MAGI1: variants seen among roughly 807,000 people sequenced by gnomAD.
MAGI1 encodes membrane associated guanylate kinase, WW and PDZ domain containing 1, also known as membrane-associated guanylate kinase, WW and PDZ domain-containing protein 1.
MAGI1 carries 58 observed loss-of-function variants against 139.9 expected under a neutral mutation model. The ratio of observed to expected loss-of-function variants is 0.41; its 90% CI spans 0.34 to 0.52. The LOEUF is 0.52. MAGI1 is among the 20% of genes least tolerant of loss of function. The pLI, the probability that MAGI1 is intolerant of heterozygous loss-of-function variation, is 0.12. For missense variants in MAGI1, 1,874 were observed against 1,901.6 expected (o/e 0.99, Z 0.27); for synonymous variants, 812 against 737.9 (o/e 1.10, Z -1.63).
intron 1 of MAGI1, among the ~76,000 whole-genome samples, chr3:65,901,758 T>G (rs17440853): frequency 0.08 from 12,123 of 152,250 alleles, 678 homozygotes; most frequent in Middle Eastern, 0.14. Context: ...CTAATTCTAC[T>G]GTTCTCATTT....
intron 2 of MAGI1, among the ~76,000 whole-genome samples, chr3:65,573,657 T>A (rs1041325958): frequency 6.6e-6 from 1 of 152,144 alleles, no homozygotes; most frequent in Non-Finnish European, 1.5e-5. Flanking sequence ...AAAGAGTGAA[T>A]GTTTTTTCCC....
chr3:65,497,356 G>C (rs1378888515), intron 2 of MAGI1, among the ~76,000 whole-genome samples: 1 of 152,108 alleles, frequency 6.6e-6, no homozygotes, highest in African/African-American at 2.4e-5. Context: ...AGCAAGATAG[G>C]AGCAAAGGAG....
chr3:65,975,235 T>A (rs182925550), intron 1 of MAGI1, among the ~76,000 whole-genome samples: 1 of 152,140 alleles, frequency 6.6e-6, no homozygotes, highest in African/African-American at 2.4e-5. Flanking sequence ...AAGACTTGAC[T>A]CAGCAAACAC....
intron 1 of MAGI1, among the ~76,000 whole-genome samples, chr3:65,994,502 T>C (rs150713285): frequency 4.0e-4 from 61 of 152,312 alleles, no homozygotes; most frequent in African/African-American, 1.4e-3. Flanking sequence ...ACTTCTTGAA[T>C]GTATCTGTTT....
At chr3:65,424,361 A>C (rs1946853699) in intron 12 of MAGI1, among the ~76,000 whole-genome samples, 1 of 152,196 alleles carries the variant, frequency 6.6e-6, no homozygotes, top group African/African-American at 2.4e-5. Flanking sequence ...TGACTTACTG[A>C]GACCTTATCA....
At chr3:65,887,066 T>C (rs989958877) in intron 1 of MAGI1, among the ~76,000 whole-genome samples, 1 of 152,084 alleles carries the variant, frequency 6.6e-6, no homozygotes, top group Admixed American at 6.6e-5. Flanking sequence ...AAAATACTGA[T>C]TAAGAATAGT....
intron 1 of MAGI1, among the ~76,000 whole-genome samples, chr3:65,796,066 A>AAG (rs1553708545): frequency 1.2e-4 from 17 of 143,514 alleles, no homozygotes; most frequent in Admixed American, 4.5e-4. Context: ...AAAAAAAAAA[A>AAG]AAAAGAAAAG....
At chr3:66,018,791 C>T (rs148226397) in intron 1 of MAGI1, among the ~76,000 whole-genome samples, 274 of 152,324 alleles carry the variant, frequency 1.8e-3, no homozygotes, top group African/African-American at 5.8e-3. Flanking sequence ...ACTTACCTCC[C>T]ATCCTCCTCT....
At chr3:65,846,313 C>A (rs547604015) in intron 1 of MAGI1, among the ~76,000 whole-genome samples, 4 of 152,208 alleles carry the variant, frequency 2.6e-5, no homozygotes, top group Non-Finnish European at 5.9e-5. Flanking sequence ...TTATGTAGTG[C>A]GGTCTCAAGT....
chr3:65,878,884 G>A (rs899257282), intron 1 of MAGI1, among the ~76,000 whole-genome samples: 6 of 152,154 alleles, frequency 3.9e-5, no homozygotes, highest in African/African-American at 1.2e-4. Flanking sequence ...AGGGGAAAGA[G>A]CAGAGGTGAG....
chr3:65,784,561 T>C (rs1559879890), intron 1 of MAGI1, among the ~76,000 whole-genome samples: 1 of 151,936 alleles, frequency 6.6e-6, no homozygotes, highest in African/African-American at 2.4e-5. Flanking sequence ...AAAAATTAGC[T>C]GGGCGCGGTG....
intron 1 of MAGI1, among the ~76,000 whole-genome samples, chr3:65,843,719 C>CTGTTT (rs949831642): frequency 6.6e-6 from 1 of 152,258 alleles, no homozygotes; most frequent in South Asian, 2.1e-4. Flanking sequence ...ACAGTATGGA[C>CTGTTT]TGTTTTGTTT....
At chr3:65,401,370 C>CCCG in intron 13 of MAGI1, 69 bp downstream of exon 13, 1 of 1,178,688 alleles carries the variant, frequency 8.5e-7, no homozygotes, top group Non-Finnish European at 1.2e-6. Flanking sequence ...CACAGAGTAC[C>CCCG]CTCCCACCTC....
intron 1 of MAGI1, among the ~76,000 whole-genome samples, chr3:65,769,847 G>C (rs2037807305): frequency 6.6e-6 from 1 of 152,184 alleles, no homozygotes; most frequent in African/African-American, 2.4e-5. Context: ...AAGGTGGCTG[G>C]AAAGAGCTTT....
chr3:65,622,046 C>T lies in MAGI1; in HGVS notation c.356G>A (p.Arg119Gln), dbSNP rs374973001. ...ATGATCAGGAGACCCCTTCTGGAATCGCTGATTGAGAAAATGTCGCAGGTC... is the reference window on the plus strand; with the variant it reads ...ATGATCAGGAGACCCCTTCTGGAATTGCTGATTGAGAAAATGTCGCAGGTC... The part of the protein sequence containing the change: ...NKDLRHFLNQ[R>Q]FQKGSPDHEL... Residue 119 changes from arginine (R) to glutamine (Q), a missense_variant, in exon 2 of 23, where the codon CGA becomes CAA. Arg to Gln is a conservative substitution (Grantham distance 43, BLOSUM62 1). This residue lies in a region of MAGI1 where 648 missense variants were observed against 598.1 expected (regional missense o/e 1.08). Transcript: ENST00000402939. The T allele has an allele frequency of 3.1e-5, 50 of 1,613,942 alleles. No homozygotes were observed. The highest frequency in any genetic ancestry group is 1.6e-4 in the Middle Eastern group (1 of 6,082).
At chr3:65,646,634 T>C (rs1455169240) in intron 1 of MAGI1, among the ~76,000 whole-genome samples, 2 of 152,092 alleles carry the variant, frequency 1.3e-5, no homozygotes, top group East Asian at 3.9e-4. Flanking sequence ...TATACCAAGA[T>C]TGACCGTGTT....
intron 1 of MAGI1, among the ~76,000 whole-genome samples, chr3:65,736,418 A>G (rs1241155491): frequency 2.6e-5 from 4 of 152,230 alleles, no homozygotes; most frequent in African/African-American, 9.6e-5. Flanking sequence ...GTTTATTTAT[A>G]GGAATTGGCT....
chr3:65,902,155 C>A (rs758055279), intron 1 of MAGI1, among the ~76,000 whole-genome samples: 1 of 152,138 alleles, frequency 6.6e-6, no homozygotes, highest in Non-Finnish European at 1.5e-5. Context: ...AATAATCTTA[C>A]AGGTTGGTAT....
At chr3:65,934,907 A>G (rs2062976261) in intron 1 of MAGI1, among the ~76,000 whole-genome samples, 1 of 152,156 alleles carries the variant, frequency 6.6e-6, no homozygotes, top group Non-Finnish European at 1.5e-5. Flanking sequence ...TCCTATCTAT[A>G]GTAAGCCACT....
Sources: gnomAD v4.1 joint callset for allele counts (sites outside exome capture counted in the v4.1 genomes callset) on GRCh38, gnomAD v4.1.1 for gene constraint, gnomAD v4.1.1 regional missense constraint, MANE v1.5 for transcripts, NCBI Gene and HGNC (gene_info 2026-07-23, HGNC 2026-07-21) for gene names.